EPHA3: variants seen among roughly 807,000 people sequenced by gnomAD.
EPHA3 encodes the protein ephrin type-A receptor 3.
EPHA3 carries 42 observed loss-of-function variants against 107.1 expected under a neutral mutation model. The observed-to-expected ratio is 0.39, with a 90% confidence interval of 0.31 to 0.51. The LOEUF is 0.51. EPHA3 is among the 20% of genes least tolerant of loss of function. The probability of loss-of-function intolerance (pLI) is 0.78; values close to 1 mark genes in which losing one functional copy is unlikely to be tolerated. For synonymous variants in EPHA3, 461 were observed against 424.8 expected (o/e 1.09, Z -1.05); for missense variants, 1,183 against 1,211.2 (o/e 0.98, Z 0.35).
chr3:89,230,806 CCT>C (rs1248948891), intron 3 of EPHA3, among the ~76,000 whole-genome samples: 14 of 122,138 alleles, frequency 1.1e-4, no homozygotes, highest in South Asian at 2.7e-4. Flanking sequence ...TCTCTCTCTC[CCT>C]CTCTCTCTCT....
At chr3:89,217,269 C>T (rs1704242130) in intron 3 of EPHA3, among the ~76,000 whole-genome samples, 1 of 152,134 alleles carries the variant, frequency 6.6e-6, no homozygotes, top group African/African-American at 2.4e-5. Flanking sequence ...AATCACATAA[C>T]TAGAAAAGCT....
chr3:89,137,305 G>A (rs1381054287), intron 2 of EPHA3, among the ~76,000 whole-genome samples: 6 of 151,774 alleles, frequency 4.0e-5, no homozygotes, highest in African/African-American at 9.7e-5. Context: ...ATTCCATTAC[G>A]TGTAAAACAA....
At chr3:89,240,070 T>C (rs1704857855) in intron 3 of EPHA3, among the ~76,000 whole-genome samples, 1 of 152,226 alleles carries the variant, frequency 6.6e-6, no homozygotes, top group South Asian at 2.1e-4. Context: ...GTTTGTCATC[T>C]AACCCCAGTG....
intron 3 of EPHA3, among the ~76,000 whole-genome samples, chr3:89,277,345 A>G (rs1454494538): frequency 6.6e-6 from 1 of 152,150 alleles, no homozygotes; most frequent in Non-Finnish European, 1.5e-5. Flanking sequence ...TAAGCTCTTG[A>G]ATATATTTCT....
intron 3 of EPHA3, among the ~76,000 whole-genome samples, chr3:89,279,159 A>G (rs960153078): frequency 1.3e-5 from 2 of 152,136 alleles, no homozygotes; most frequent in Admixed American, 6.6e-5. Context: ...TGTTTTGCAA[A>G]CACATAGCTA....
At chr3:89,366,386 G>A (rs1489530763) in intron 5 of EPHA3, among the ~76,000 whole-genome samples, 1 of 150,610 alleles carries the variant, frequency 6.6e-6, no homozygotes, top group Non-Finnish European at 1.5e-5. Flanking sequence ...TAATACCATT[G>A]ATCAAGATCA....
At chr3:89,442,698 C>T (rs556894284) in intron 13 of EPHA3, among the ~76,000 whole-genome samples, 2 of 152,240 alleles carry the variant, frequency 1.3e-5, no homozygotes, top group East Asian at 3.9e-4. Context: ...CTCTCAGGTA[C>T]TTTCTATTTT....
intron 1 of EPHA3, among the ~76,000 whole-genome samples, chr3:89,111,508 T>TCCCCCCCCCCCC (rs143096995): frequency 4.7e-5 from 6 of 128,924 alleles, no homozygotes; most frequent in Non-Finnish European, 6.7e-5. Context: ...CACCCCTACA[T>TCCCCCCCCCCCC]CCCCCCCCCA....
rs1179540304 is a variant in EPHA3, at chr3:89,210,373, C to T, written c.667C>T (p.Leu223=). The part of the protein sequence containing the change: ...PDTVPMDSQS[L]VEVRGSCVNN... ...CACGGTACCCATGGACTCCCAGTCC[C>T]TGGTGGAGGTTAGAGGGTCTTGTGT... The change falls in exon 3 of 17, where the codon CTG becomes TTG. Residue 223 remains leucine (L), a synonymous_variant. Transcript: ENST00000336596. The T allele has an allele frequency of 1.2e-6, 2 of 1,613,708 alleles. No individual in the cohort carries two copies. The highest frequency in any genetic ancestry group is 2.2e-5 in the East Asian group (1 of 44,882).
At chr3:89,390,581 C>T (rs1380238476) in intron 5 of EPHA3, among the ~76,000 whole-genome samples, 1 of 132,646 alleles carries the variant, frequency 7.5e-6, no homozygotes, top group Non-Finnish European at 1.6e-5. Flanking sequence ...GCCTGGGCAA[C>T]AGAGCGAGAC....
At chr3:89,202,996 G>C (rs1706008449) in intron 2 of EPHA3, among the ~76,000 whole-genome samples, 1 of 152,098 alleles carries the variant, frequency 6.6e-6, no homozygotes, top group Non-Finnish European at 1.5e-5. Context: ...CTAGGCCCTG[G>C]CAAATCTGGA....
intron 3 of EPHA3, among the ~76,000 whole-genome samples, chr3:89,314,071 C>T (rs1201065114): frequency 6.6e-6 from 1 of 151,824 alleles, no homozygotes; most frequent in Non-Finnish European, 1.5e-5. Flanking sequence ...TCTCAACATG[C>T]CCTTGTCCAT....
At position 89,174,590 on chromosome 3, in the gene EPHA3, A is replaced by T. The variant is rs555757289; in HGVS notation, c.154-35270A>T. On this transcript the variant is annotated intron_variant, in intron 2 of 16. Coordinates refer to ENST00000336596, the MANE Select transcript of EPHA3 (RefSeq NM_005233.6). ...TACCCTATATTCTAGCAAGTTCATC[A>T]TTTTTTTAAGAATCCCTGTCTTGAA... Among the ~76,000 whole-genome samples, 28 of 151,794 alleles carry T rather than the reference A, an allele frequency of 1.8e-4. No individual in the cohort carries two copies. The South Asian group carries it at 5.6e-3, about 30-fold the overall frequency.
chr3:89,380,820 G>T (rs1364623260), intron 5 of EPHA3, among the ~76,000 whole-genome samples: 3 of 151,364 alleles, frequency 2.0e-5, no homozygotes, highest in African/African-American at 7.3e-5. Context: ...CCAAGCTGGG[G>T]GGCAGTGGCG....
chr3:89,460,211 T>G (rs1371252309), intron 15 of EPHA3, among the ~76,000 whole-genome samples: 1 of 152,166 alleles, frequency 6.6e-6, no homozygotes, highest in Non-Finnish European at 1.5e-5. Flanking sequence ...AATTTCTTCT[T>G]AAGTTCACAG....
chr3:89,154,417 G>C (rs1352045984), intron 2 of EPHA3, among the ~76,000 whole-genome samples: 3 of 151,596 alleles, frequency 2.0e-5, no homozygotes, highest in Admixed American at 2.0e-4. Context: ...TTCAGAAAAA[G>C]TTATGAGTAT....
At chr3:89,386,627 G>A (rs1249451265) in intron 5 of EPHA3, among the ~76,000 whole-genome samples, 2 of 152,218 alleles carry the variant, frequency 1.3e-5, no homozygotes, top group African/African-American at 4.8e-5. Context: ...CCCCAGTGGG[G>A]CACTGCCTAG....
Position 89,210,404 on chromosome 3 carries a change from A to G in EPHA3, c.698A>G (p.Asn233Ser), listed in dbSNP as rs758441001. Residue 233 changes from asparagine (N) to serine (S), a missense_variant, in exon 3 of 17, where the codon AAT becomes AGT. Coordinates refer to ENST00000336596, the MANE Select transcript of EPHA3 (RefSeq NM_005233.6). ...LVEVRGSCVN[N>S]SKEEDPPRMY... is the part of the protein sequence containing the mutation. ...GAGGTTAGAGGGTCTTGTGTCAACAATTCTAAGGAGGAAGATCCTCCAAGG... is the reference window on the plus strand; with the variant it reads ...GAGGTTAGAGGGTCTTGTGTCAACAGTTCTAAGGAGGAAGATCCTCCAAGG... 6.2e-6 allele frequency: 10 copies of G among 1,613,742 alleles called. No homozygotes were observed. The Admixed American group carries it at 6.7e-5, about 11-fold the overall frequency.
chr3:89,340,682 T>G (rs532770004), intron 3 of EPHA3, among the ~76,000 whole-genome samples: 1 of 152,216 alleles, frequency 6.6e-6, no homozygotes, highest in African/African-American at 2.4e-5. Flanking sequence ...CATACACTAG[T>G]GCCAAAATAA....
Sources: allele counts gnomAD v4.1 joint callset (sites outside exome capture counted in the v4.1 genomes callset), GRCh38; gene constraint gnomAD v4.1.1; transcripts MANE v1.5; gene names NCBI Gene and HGNC (gene_info 2026-07-23, HGNC 2026-07-21).